Variants in HS1BP3 observed in about 807,000 individuals in gnomAD.
HS1BP3 encodes HCLS1-binding protein 3.
Under a neutral mutation model 33.5 loss-of-function variants are expected in HS1BP3, and 32 were observed. That is an observed-to-expected ratio of 0.95 (90% CI 0.72 to 1.28). HS1BP3 has a LOEUF of 1.28. HS1BP3 is among the 50% of genes most tolerant of loss of function. HS1BP3 has a pLI of 0.00. For synonymous variants in HS1BP3, 187 were observed against 209.2 expected, an observed-to-expected ratio of 0.89 and a Z score of 0.92; for missense variants, 486 against 502.3, an observed-to-expected ratio of 0.97 and a Z score of 0.31.
At chr2:20,555,180 C>T in the HS1BP3 span, among the ~76,000 whole-genome samples, 20 of 152,210 alleles carry the variant, frequency 1.3e-4, no homozygotes, top group East Asian at 1.9e-4. Flanking sequence ...TCTCCCCATG[C>T]GACGCTAGGA....
chr2:20,602,429 A>G (rs915989801), intron 2 of HS1BP3, among the ~76,000 whole-genome samples: 4 of 152,174 alleles, frequency 2.6e-5, no homozygotes, highest in African/African-American at 9.6e-5. Flanking sequence ...TTTTGCTCAG[A>G]ATTGTTTATT....
chr2:20,561,880 G>T (rs975583655), intron 5 of HS1BP3, among the ~76,000 whole-genome samples: 6 of 152,164 alleles, frequency 3.9e-5, no homozygotes, highest in Non-Finnish European at 8.8e-5. Context: ...GAAAGAACAA[G>T]ACGTGATTAG....
chr2:20,622,694 C>T (rs1269307599), intron 6 of HS1BP3: 2 of 211,978 alleles, frequency 9.4e-6, no homozygotes, highest in Admixed American at 1.0e-4. Context: ...CACATGGACT[C>T]CTAGACATGC....
At chr2:20,612,219 A>G (rs1160351965) in intron 2 of HS1BP3, among the ~76,000 whole-genome samples, 1 of 152,204 alleles carries the variant, frequency 6.6e-6, no homozygotes, top group East Asian at 1.9e-4. Context: ...GAAGCCCAAA[A>G]GCCAGGAGTT....
intron 3 of HS1BP3, among the ~76,000 whole-genome samples, chr2:20,597,888 T>A (rs956908616): frequency 1.3e-5 from 2 of 152,104 alleles, no homozygotes; most frequent in Non-Finnish European, 2.9e-5. Flanking sequence ...TGGGCTGTGA[T>A]GAGAGGGCCT....
In HS1BP3 at chr2:20,593,311, C is replaced by T. The variant is rs117615532; in HGVS notation, c.*13-517G>A. Among the ~76,000 whole-genome samples the T allele has an allele frequency of 3.1e-3, 467 of 152,288 alleles. 7 individuals are homozygous for T. In the East Asian group the frequency reaches 0.055, roughly 18 times the overall value. The stretch of plus-strand genomic sequence containing the variant: ...TTCCTTACCACTCATCACCATCACA[C>T]GTGCCGGCCTTCTCCTCATTTATGT... On this transcript the variant is annotated intron_variant, in intron 3 of 3. Coordinates refer to the HS1BP3 transcript ENST00000415264.
At chr2:20,566,018 A>C (rs915182717) in intron 5 of HS1BP3, among the ~76,000 whole-genome samples, 2 of 152,242 alleles carry the variant, frequency 1.3e-5, no homozygotes, top group Non-Finnish European at 2.9e-5. Context: ...ACTAATGAGG[A>C]AAGGGCTTAA....
At chr2:20,626,725 C>T (rs1000338632) in intron 4 of HS1BP3, among the ~76,000 whole-genome samples, 3 of 152,106 alleles carry the variant, frequency 2.0e-5, no homozygotes, top group South Asian at 4.1e-4. Context: ...CTCTGCTGTG[C>T]ACCACCCTCA....
At chr2:20,588,408 C>T (rs1322615104), downstream of HS1BP3, among the ~76,000 whole-genome samples, 2 of 152,216 alleles carry the variant, frequency 1.3e-5, no homozygotes, top group Non-Finnish European at 2.9e-5. Flanking sequence ...CCTTCGCCTC[C>T]TGGGTTCAAG....
intron 4 of HS1BP3, among the ~76,000 whole-genome samples, chr2:20,626,630 A>C (rs1295038541): frequency 6.6e-6 from 1 of 152,188 alleles, no homozygotes; most frequent in Non-Finnish European, 1.5e-5. Context: ...TGGGGAGCAG[A>C]GACGCAGTGG....
rs115769127 is a variant in HS1BP3 at position 20,609,841 on chromosome 2, C to T, written c.179-11576G>A. On this transcript the variant is annotated intron_variant, in intron 2 of 3. Transcript: ENST00000415264. Reference sequence around the variant, plus strand: ...TTCCCTCAGAGGGTGCCCCCAGCCCCTTGACTCAGTTTTTCCCATTTACTG... The same window carrying T: ...TTCCCTCAGAGGGTGCCCCCAGCCCTTTGACTCAGTTTTTCCCATTTACTG... Among the ~76,000 whole-genome samples the T allele has an allele frequency of 2.8e-3, 432 of 152,272 alleles. 4 individuals carry two copies. The highest frequency in any genetic ancestry group is 9.9e-3 in the African/African-American group (412 of 41,546).
Position 20,619,207 on chromosome 2 carries a change from G to C in HS1BP3, c.959C>G (p.Ala320Gly). 6.2e-7 allele frequency: 1 copy of C among 1,612,958 alleles called. No homozygotes were observed. Among genetic ancestry groups the C allele is most frequent in the Non-Finnish European group, 8.5e-7 (1 of 1,179,310 alleles). ...AAGCTGGGGCTTGGGTTTGGGCTCA[G>C]CTCCCAGGTTCAGAATCTGGTCCAA... is the stretch of plus-strand genomic sequence containing the variant. Reference protein sequence around the residue: ...EDLDQILNLGAEPKPKPQLKP... With the variant: ...EDLDQILNLGGEPKPKPQLKP... Residue 320 changes from alanine (A) to glycine (G), a missense_variant, in exon 7 of 7, where the codon GCT becomes GGT. Transcript: ENST00000304031.
intron 5 of HS1BP3, among the ~76,000 whole-genome samples, chr2:20,580,213 G>A (rs886466141): frequency 2.0e-5 from 3 of 152,240 alleles, no homozygotes; most frequent in African/African-American, 4.8e-5. Flanking sequence ...CAAGCTGGAG[G>A]CCTTTAGAAA....
downstream of HS1BP3, among the ~76,000 whole-genome samples, chr2:20,616,538 G>A (rs1694429451): frequency 6.6e-6 from 1 of 152,208 alleles, no homozygotes; most frequent in Non-Finnish European, 1.5e-5. Flanking sequence ...TAGGGGGTAG[G>A]TCTGGAGACA....
downstream of HS1BP3, among the ~76,000 whole-genome samples, chr2:20,589,779 A>T (rs1003437008): frequency 8.6e-5 from 13 of 152,030 alleles, no homozygotes. Flanking sequence ...GAGGACTTGC[A>T]GCTATAGGAC....
intron 6 of HS1BP3, among the ~76,000 whole-genome samples, chr2:20,619,605 A>T (rs923821222): frequency 1.3e-5 from 2 of 152,218 alleles, no homozygotes; most frequent in African/African-American, 4.8e-5. Flanking sequence ...TACTATGTAC[A>T]GAGTTCCCGC....
rs1217969068 is a variant in HS1BP3 at position 20,645,445 on chromosome 2, C to T, written c.93G>A (p.Arg31=). 6.2e-7 allele frequency: 1 copy of T among 1,614,124 alleles called. No individual in the cohort carries two copies. The highest frequency in any genetic ancestry group is 8.5e-7 in the Non-Finnish European group (1 of 1,180,028). ...CCACGTGTCCAGACATCATCTTGCC[C>T]CGTACCTCCTGGTGCTGGGGCACAG... The part of the protein sequence containing the change: ...DLTVPQHQEV[R]GKMMSGHVEY... Residue 31 remains arginine (R), a synonymous_variant, in exon 2 of 7, where the codon CGG becomes CGA. Transcript: ENST00000304031.
At chr2:20,565,526 T>C (rs145300309) in intron 5 of HS1BP3, among the ~76,000 whole-genome samples, 1 of 152,336 alleles carries the variant, frequency 6.6e-6, no homozygotes, top group Non-Finnish European at 1.5e-5. Context: ...AGATCTCCTC[T>C]GAAGCTTGAC....
intron 2 of HS1BP3, among the ~76,000 whole-genome samples, chr2:20,642,221 G>A (rs113873512): frequency 3.9e-5 from 6 of 152,240 alleles, no homozygotes; most frequent in Non-Finnish European, 8.8e-5. Context: ...GAGTGCTGGC[G>A]TGCAGGGGCT....
Sources: allele counts gnomAD v4.1 joint callset (sites outside exome capture counted in the v4.1 genomes callset), GRCh38; gene constraint gnomAD v4.1.1; transcripts MANE v1.5; gene names NCBI Gene and HGNC (gene_info 2026-07-23, HGNC 2026-07-21).